SLCO3A1: variants seen among roughly 807,000 people sequenced by gnomAD.
SLCO3A1 encodes the protein PGE1 transporter.
In SLCO3A1, 27 loss-of-function variants were observed where a neutral mutation model predicts 63.1. That is an observed-to-expected ratio of 0.43 (90% CI 0.32 to 0.59). SLCO3A1 has a LOEUF of 0.59. Ranked by LOEUF, SLCO3A1 falls within the 20% of genes least tolerant of loss-of-function variation. The probability of loss-of-function intolerance (pLI) is 0.09; values close to 1 mark genes in which losing one functional copy is unlikely to be tolerated. For missense variants in SLCO3A1, 773 were observed against 945.8 expected (o/e 0.82, Z 2.40); for synonymous variants, 473 against 409.9 (o/e 1.15, Z -1.86).
intron 2 of SLCO3A1, among the ~76,000 whole-genome samples, chr15:91,987,095 T>C (rs539100647): frequency 7.9e-5 from 12 of 152,294 alleles, no homozygotes; most frequent in African/African-American, 2.9e-4. Flanking sequence ...TTGCTTTTTA[T>C]CGCTTACAGA....
At chr15:92,003,580 C>T (rs1251061544) in intron 2 of SLCO3A1, among the ~76,000 whole-genome samples, 1 of 152,200 alleles carries the variant, frequency 6.6e-6, no homozygotes, top group African/African-American at 2.4e-5. Context: ...GTCATTTTCT[C>T]AGCTGCGTTG....
intron 2 of SLCO3A1, among the ~76,000 whole-genome samples, chr15:92,006,823 T>G (rs376148841): frequency 3.3e-5 from 5 of 152,204 alleles, no homozygotes; most frequent in Admixed American, 6.5e-5. Flanking sequence ...AAGCTACCAC[T>G]CCAGTCCAGA....
At position 91,886,537 on chromosome 15, in the gene SLCO3A1, T is replaced by C. The variant is rs1336540841; in HGVS notation, c.181-29456T>C. 6.6e-6 allele frequency among the ~76,000 whole-genome samples: 1 copy of C among 152,168 alleles called. No individual in the cohort carries two copies. The highest frequency in any genetic ancestry group is 1.9e-4 in the East Asian group (1 of 5,192). ...GATTTTCCTCTTTACGCTTTGCCCT[T>C]CCAAAGAGAGATGGAAGATTCAGCC... On this transcript the variant is annotated intron_variant, in intron 1 of 9. Coordinates refer to ENST00000318445, the MANE Select transcript of SLCO3A1 (RefSeq NM_013272.4). The surrounding 1 kb of genome is among the most constrained non-coding windows in gnomAD (Gnocchi z 4.9).
At chr15:92,076,119 C>T (rs918639708) in intron 2 of SLCO3A1, among the ~76,000 whole-genome samples, 1 of 152,218 alleles carries the variant, frequency 6.6e-6, no homozygotes, top group African/African-American at 2.4e-5. Context: ...GTCATGTCAG[C>T]AAGCGGCCGT....
intron 2 of SLCO3A1, among the ~76,000 whole-genome samples, chr15:92,022,402 G>T (rs372351016): frequency 1.1e-4 from 17 of 152,196 alleles, no homozygotes; most frequent in African/African-American, 4.1e-4. Context: ...CCCATAAGGA[G>T]TCACCAATAG....
intron 1 of SLCO3A1, among the ~76,000 whole-genome samples, chr15:91,906,271 A>G (rs935552070): frequency 2.0e-5 from 3 of 152,328 alleles, no homozygotes. Context: ...GGGCTAACTA[A>G]CTATGTGCTA....
chr15:91,936,615 C>T (rs192042192), intron 2 of SLCO3A1, among the ~76,000 whole-genome samples: 39 of 152,310 alleles, frequency 2.6e-4, no homozygotes, highest in Middle Eastern at 6.8e-3. Flanking sequence ...GAATGCATGT[C>T]GTGCGGCTTA....
intron 1 of SLCO3A1, among the ~76,000 whole-genome samples, chr15:91,873,663 C>T (rs1186483320): frequency 3.3e-5 from 5 of 152,002 alleles, no homozygotes; most frequent in African/African-American, 4.8e-5. Context: ...TCTTCATAAA[C>T]TATGGTCATT....
chr15:92,075,516 A>G (rs941453808), intron 2 of SLCO3A1, among the ~76,000 whole-genome samples: 6 of 152,222 alleles, frequency 3.9e-5, no homozygotes, highest in African/African-American at 1.4e-4. Context: ...CTCATGCTGA[A>G]GCTCCATTCC....
chr15:91,975,342 T>C (rs1046861612), intron 2 of SLCO3A1, among the ~76,000 whole-genome samples: 64 of 152,190 alleles, frequency 4.2e-4, no homozygotes, highest in Non-Finnish European at 2.4e-4. Flanking sequence ...CACCCCCTTG[T>C]CCCAAGCCTG....
At chr15:92,071,705 G>C (rs2047218078) in intron 2 of SLCO3A1, among the ~76,000 whole-genome samples, 1 of 152,180 alleles carries the variant, frequency 6.6e-6, no homozygotes, top group African/African-American at 2.4e-5. Flanking sequence ...TCTGGCCCCA[G>C]TTCTTCAGTC....
chr15:92,150,882 G>C, intron 8 of SLCO3A1, 68 bp from the exon 9 acceptor site: 1 of 1,109,084 alleles, frequency 9.0e-7, no homozygotes, highest in East Asian at 2.4e-5. Flanking sequence ...AATGACTCTG[G>C]GGTCTGTTAA....
At chr15:92,097,726 G>C (rs1407615184) in intron 3 of SLCO3A1, among the ~76,000 whole-genome samples, 3 of 152,016 alleles carry the variant, frequency 2.0e-5, no homozygotes, top group Non-Finnish European at 4.4e-5. Flanking sequence ...CGTCCTTCCC[G>C]GAGGCACCGT....
At chr15:92,151,249 T>G in intron 9 of SLCO3A1, 1 of 437,558 alleles carries the variant, frequency 2.3e-6, no homozygotes, top group South Asian at 3.5e-5. Context: ...CACCGTGAAT[T>G]CTCATCGGCA....
intron 1 of SLCO3A1, among the ~76,000 whole-genome samples, chr15:91,892,922 C>G (rs1046439227): frequency 7.2e-5 from 11 of 152,222 alleles, no homozygotes; most frequent in Admixed American, 6.5e-4. Flanking sequence ...GAACAATAAT[C>G]TGGTGCATAG....
chr15:92,043,600 G>A (rs2151489491), intron 2 of SLCO3A1, among the ~76,000 whole-genome samples: 1 of 152,348 alleles, frequency 6.6e-6, no homozygotes, highest in Admixed American at 6.5e-5. Context: ...CTTTTCAATA[G>A]GCTCCATGCA....
intron 2 of SLCO3A1, among the ~76,000 whole-genome samples, chr15:92,080,062 G>T (rs957631559): frequency 2.0e-5 from 3 of 152,262 alleles, no homozygotes; most frequent in African/African-American, 7.2e-5. Context: ...GCCTGGCTGG[G>T]CCTGGAGAGA....
intron 2 of SLCO3A1, among the ~76,000 whole-genome samples, chr15:92,091,496 A>T (rs1321709876): frequency 6.6e-6 from 1 of 152,222 alleles, no homozygotes; most frequent in East Asian, 1.9e-4. Context: ...ATTAAGGGGG[A>T]AACCAAGGAA....
intron 2 of SLCO3A1, among the ~76,000 whole-genome samples, chr15:91,918,542 T>C (rs1400789482): frequency 6.6e-6 from 1 of 152,224 alleles, no homozygotes; most frequent in East Asian, 1.9e-4. Context: ...TTTGCATAGA[T>C]TGGCCTCAAT....
Sources: gnomAD v4.1 joint callset for allele counts (sites outside exome capture counted in the v4.1 genomes callset) on GRCh38, gnomAD v4.1.1 for gene constraint, Gnocchi (gnomAD v3.1) non-coding constraint, MANE v1.5 for transcripts, NCBI Gene and HGNC (gene_info 2026-07-23, HGNC 2026-07-21) for gene names.